Variants in CNTNAP4 observed in about 807,000 individuals in gnomAD.
The protein encoded by CNTNAP4 is contactin associated protein family member 4.
In CNTNAP4, 98 loss-of-function variants were observed where a neutral mutation model predicts 148.4. That is an observed-to-expected ratio of 0.66 (90% CI 0.56 to 0.78). The LOEUF (loss-of-function observed/expected upper bound fraction) is 0.78. Ranked by LOEUF, CNTNAP4 falls within the 30% of genes least tolerant of loss-of-function variation. The pLI is 0.00. For synonymous variants in CNTNAP4, 730 were observed against 565.1 expected (o/e 1.29, Z -4.14); for missense variants, 1,935 against 1,565.6 (o/e 1.24, Z -3.98).
chr16:76,473,684 G>A (rs1305832543), intron 10 of CNTNAP4, among the ~76,000 whole-genome samples: 1 of 152,102 alleles, frequency 6.6e-6, no homozygotes, highest in African/African-American at 2.4e-5. Context: ...TGAGGCAGGA[G>A]AATGGCATGA....
At chr16:76,511,433 C>G (rs999582693) in intron 15 of CNTNAP4, among the ~76,000 whole-genome samples, 1 of 152,084 alleles carries the variant, frequency 6.6e-6, no homozygotes, top group South Asian at 2.1e-4. Context: ...AAGTGAGACT[C>G]TTCAACTGGA....
chr16:76,428,383 T>C (rs1232707069), intron 4 of CNTNAP4, among the ~76,000 whole-genome samples: 1 of 151,836 alleles, frequency 6.6e-6, no homozygotes, highest in African/African-American at 2.4e-5. Context: ...TGAAATAATC[T>C]GGAAGAGAAC....
intron 1 of CNTNAP4, among the ~76,000 whole-genome samples, chr16:76,286,841 A>G (rs959330660): frequency 1.3e-5 from 2 of 152,226 alleles, no homozygotes; most frequent in African/African-American, 4.8e-5. Context: ...ATACATATTT[A>G]CATTTGCCAT....
At chr16:76,309,749 G>A (rs561599758) in intron 1 of CNTNAP4, 66 of 665,876 alleles carry the variant, frequency 9.9e-5, no homozygotes, top group Non-Finnish European at 1.7e-4. Flanking sequence ...ATTGGGGTTT[G>A]GGCGGAGGGG....
chr16:76,374,724 A>G (rs1177841230), intron 3 of CNTNAP4, among the ~76,000 whole-genome samples: 1 of 149,428 alleles, frequency 6.7e-6, no homozygotes, highest in Non-Finnish European at 1.5e-5. Flanking sequence ...TGAATAAAGT[A>G]TATACTTGAC....
Position 76,373,783 on chromosome 16 carries a change from T to C in CNTNAP4, c.390+18272T>C, listed in dbSNP as rs536442617. 1.2e-3 allele frequency among the ~76,000 whole-genome samples: 179 copies of C among 151,410 alleles called. 1 individual carries two copies. The highest frequency in any genetic ancestry group is 4.3e-3 in the African/African-American group (176 of 41,258). The stretch of plus-strand genomic sequence containing the variant: ...GGTGGCAGGCGCCTGTAATCCCAGC[T>C]ACTTGGGAGGCTGAGGTGGGGGAGT... On this transcript the variant is annotated intron_variant, in intron 3 of 23. Coordinates refer to ENST00000611870, the MANE Select transcript of CNTNAP4 (RefSeq NM_033401.5).
chr16:76,554,780 T>C (rs766472164), intron 23 of CNTNAP4, among the ~76,000 whole-genome samples: 10 of 152,134 alleles, frequency 6.6e-5, no homozygotes, highest in Middle Eastern at 3.4e-3. Flanking sequence ...TATGAATATT[T>C]CGTTTGCAGG....
intron 9 of CNTNAP4, among the ~76,000 whole-genome samples, chr16:76,465,035 C>T (rs181148245): frequency 5.9e-4 from 90 of 152,268 alleles, no homozygotes; most frequent in African/African-American, 2.0e-3. Context: ...TCTCACATCC[C>T]CCTCCCTTGT....
intron 2 of CNTNAP4, among the ~76,000 whole-genome samples, chr16:76,327,183 G>A (rs1398320247): frequency 6.6e-6 from 1 of 152,128 alleles, no homozygotes; most frequent in Non-Finnish European, 1.5e-5. Flanking sequence ...CCGTAGGTAG[G>A]TTTCAACCCC....
intron 12 of CNTNAP4, among the ~76,000 whole-genome samples, chr16:76,485,181 G>A (rs557054378): frequency 2.0e-5 from 3 of 152,062 alleles, no homozygotes; most frequent in Admixed American, 6.6e-5. Flanking sequence ...GCAATGGCAC[G>A]ATCTCGGCTG....
chr16:76,395,946 C>T (rs952920754), intron 3 of CNTNAP4, among the ~76,000 whole-genome samples: 1 of 151,722 alleles, frequency 6.6e-6, no homozygotes, highest in Non-Finnish European at 1.5e-5. Context: ...GCAGGCTGGT[C>T]TCAAACTCCT....
intron 2 of CNTNAP4, among the ~76,000 whole-genome samples, chr16:76,334,883 C>A (rs774112068): frequency 6.6e-6 from 1 of 151,998 alleles, no homozygotes; most frequent in Non-Finnish European, 1.5e-5. Context: ...CTCAACCTTT[C>A]CATCTGGTTA....
At chr16:76,418,496 G>A (rs546492867) in intron 3 of CNTNAP4, among the ~76,000 whole-genome samples, 2 of 151,354 alleles carry the variant, frequency 1.3e-5, no homozygotes, top group African/African-American at 4.8e-5. Context: ...CCCATCAAAG[G>A]CATTCTTCAC....
intron 9 of CNTNAP4, among the ~76,000 whole-genome samples, chr16:76,465,743 G>A (rs549711519): frequency 5.4e-4 from 82 of 152,266 alleles, no homozygotes; most frequent in Middle Eastern, 3.4e-3. Flanking sequence ...CTGGAAATGT[G>A]TGTAGTACCA....
At position 76,559,332 on chromosome 16, in the gene CNTNAP4, A is replaced by G. The variant is rs1306089101; in HGVS notation, c.*649A>G. 1 of 151,980 alleles carries G rather than the reference A, an allele frequency of 6.6e-6. No individual in the cohort carries two copies. Among genetic ancestry groups the G allele is most frequent in the Non-Finnish European group, 1.5e-5 (1 of 67,990 alleles). The allele number at this position is 151,980 out of a possible 1,614,324, so 9.4% of individuals were successfully genotyped here. On this transcript the variant is annotated 3_prime_UTR_variant, in exon 24 of 24. Transcript: ENST00000611870. ...ATTTGGTTTTGAGTCTCAGACTTCA[A>G]CTCTGAACATACAAGTTGTATTTAA...
At chr16:76,551,213 C>G (rs186592432) in intron 21 of CNTNAP4, among the ~76,000 whole-genome samples, 130 of 152,066 alleles carry the variant, frequency 8.5e-4, no homozygotes, top group African/African-American at 3.1e-3. Flanking sequence ...GAGTTCAAGA[C>G]CAGCCTGGCC....
intron 4 of CNTNAP4, among the ~76,000 whole-genome samples, chr16:76,442,463 AT>A (rs2080082643): frequency 6.6e-6 from 1 of 152,134 alleles, no homozygotes; most frequent in Non-Finnish European, 1.5e-5. Flanking sequence ...AGGCTGGGTA[AT>A]TTATTAAAAA....
rs2143953555 is a variant in CNTNAP4 at position 76,505,635 on chromosome 16, A to G, written c.2365+6941A>G. On this transcript the variant is annotated intron_variant, in intron 15 of 23. Transcript: ENST00000611870. ...TGTACTCTATATAAATTACCATAAC[A>G]TTAATATATTTTAATAAGTAATAAA... is the stretch of plus-strand genomic sequence containing the variant. Among the ~76,000 whole-genome samples, 2 of 98,000 alleles carry G rather than the reference A, an allele frequency of 2.0e-5. 1 individual carries two copies. Among genetic ancestry groups the G allele is most frequent in the South Asian group, 8.0e-4 (2 of 2,500 alleles). The allele number at this position is 98,000 out of a possible 152,430, so 64.3% of individuals were successfully genotyped here.
intron 6 of CNTNAP4, 84 bp downstream of exon 6, chr16:76,449,035 C>G: frequency 7.9e-7 from 1 of 1,259,616 alleles, no homozygotes; most frequent in Admixed American, 2.2e-5. Context: ...CTATAAAGAG[C>G]CCACCTTTTC....
Sources: gnomAD v4.1 joint callset for allele counts (sites outside exome capture counted in the v4.1 genomes callset) on GRCh38, gnomAD v4.1.1 for gene constraint, MANE v1.5 for transcripts, NCBI Gene and HGNC (gene_info 2026-07-23, HGNC 2026-07-21) for gene names.